CGRRF1: variants seen among roughly 807,000 people sequenced by gnomAD.
CGRRF1 encodes the protein cell growth regulator with RING finger domain protein 1.
CGRRF1 carries 32 observed loss-of-function variants against 37.2 expected under a neutral mutation model. That is an observed-to-expected ratio of 0.86 (90% CI 0.65 to 1.16). The LOEUF (loss-of-function observed/expected upper bound fraction) is 1.16. Among genes scored for constraint, CGRRF1 ranks in the 50% most tolerant of loss-of-function variants. The pLI is 0.00. For missense variants in CGRRF1, 391 were observed against 382.6 expected (o/e 1.02, Z -0.18); for synonymous variants, 141 against 140.3 (o/e 1.00, Z -0.04).
At chr14:54,531,551 A>C (rs2140065072) in intron 4 of CGRRF1, among the ~76,000 whole-genome samples, 1 of 152,312 alleles carries the variant, frequency 6.6e-6, no homozygotes, top group East Asian at 1.9e-4. Context: ...ATAAATAAGC[A>C]CAATAATGAT....
In CGRRF1 at chr14:54,530,960, T is replaced by G; in HGVS notation, c.480T>G (p.Ile160Met). ...IYCQLPRDTK[I>M]EDFGTVPRSR... is the part of the protein sequence containing the mutation. Reference sequence around the variant, plus strand: ...GCCAGTTACCAAGAGATACTAAAATTGAAGACTTTGGTACAGTACCCAGAT... The same window carrying G: ...GCCAGTTACCAAGAGATACTAAAATGGAAGACTTTGGTACAGTACCCAGAT... The change falls in exon 4 of 6, where the codon ATT becomes ATG. Residue 160 changes from isoleucine to methionine, a missense_variant. Physicochemically the swap from Ile to Met is conservative, Grantham distance 10 (BLOSUM62 1). Coordinates refer to ENST00000216420, the MANE Select transcript of CGRRF1 (RefSeq NM_006568.3). 6 of 1,603,550 alleles carry G rather than the reference T, an allele frequency of 3.7e-6. No homozygotes were observed. The highest frequency in any genetic ancestry group is 5.1e-6 in the Non-Finnish European group (6 of 1,170,470).
chr14:54,526,591 T>G (rs2140061696), intron 2 of CGRRF1, among the ~76,000 whole-genome samples: 1 of 152,308 alleles, frequency 6.6e-6, no homozygotes, highest in East Asian at 1.9e-4. Context: ...GGATTTGCGT[T>G]TCCATGTCTC....
chr14:54,527,869 A>G (rs1370587147), intron 2 of CGRRF1, among the ~76,000 whole-genome samples: 1 of 151,860 alleles, frequency 6.6e-6, no homozygotes, highest in East Asian at 1.9e-4. Context: ...GCCTTCCAAG[A>G]AGTTAGGACC....
intron 1 of CGRRF1, among the ~76,000 whole-genome samples, chr14:54,514,510 C>T (rs558646833): frequency 6.3e-4 from 96 of 152,304 alleles, no homozygotes; most frequent in African/African-American, 2.2e-3. Flanking sequence ...AAACTCGTGT[C>T]ATGGGTTTGT....
Position 54,538,170 on chromosome 14 carries a change from T to G in CGRRF1, c.786T>G (p.Ser262Arg). The change falls in exon 6 of 6, where the codon AGT becomes AGG. Residue 262 changes from serine to arginine, a missense_variant. Transcript: ENST00000216420. ...TGGAAAAGGTGGGACTCTCTGAAAG[T>G]GAAGTTGAGCCATCGGAAGAGAACA... Reference protein sequence around the residue: ...SLLEKVGLSESEVEPSEENSK... With the variant: ...SLLEKVGLSEREVEPSEENSK... 6.2e-7 allele frequency: 1 copy of G among 1,614,118 alleles called. No homozygotes were observed. Among genetic ancestry groups the G allele is most frequent in the Non-Finnish European group, 8.5e-7 (1 of 1,180,012 alleles).
intron 4 of CGRRF1, among the ~76,000 whole-genome samples, chr14:54,531,979 T>C (rs2032523067): frequency 6.6e-6 from 1 of 152,186 alleles, no homozygotes; most frequent in African/African-American, 2.4e-5. Flanking sequence ...TTCACAAACA[T>C]GAACTTATTT....
intron 2 of CGRRF1, among the ~76,000 whole-genome samples, chr14:54,525,411 G>A (rs1017727545): frequency 2.0e-5 from 3 of 152,198 alleles, no homozygotes; most frequent in Non-Finnish European, 2.9e-5. Flanking sequence ...AGCTATGCCT[G>A]CACACTAGTT....
intron 1 of CGRRF1, 84 bp from the exon 2 acceptor site, chr14:54,522,370 G>A (rs908596237): frequency 1.5e-5 from 14 of 945,312 alleles, no homozygotes; most frequent in East Asian, 9.0e-5. Flanking sequence ...AAAAGGAATC[G>A]CTAATGAAGC....
In CGRRF1 at chr14:54,538,185, G is replaced by T. The variant is rs375810787; in HGVS notation, c.801G>T (p.Ser267=). Reference sequence around the variant, plus strand: ...TCTCTGAAAGTGAAGTTGAGCCATCGGAAGAGAACAGCAAGGACTGTGTTG... The same window carrying T: ...TCTCTGAAAGTGAAGTTGAGCCATCTGAAGAGAACAGCAAGGACTGTGTTG... ...VGLSESEVEP[S]EENSKDCVVC... The change falls in exon 6 of 6, where the codon TCG becomes TCT. Residue 267 remains serine, a synonymous_variant. Coordinates refer to ENST00000216420, the MANE Select transcript of CGRRF1 (RefSeq NM_006568.3). 5 of 1,614,166 alleles carry T rather than the reference G, an allele frequency of 3.1e-6. No individual in the cohort carries two copies. The highest frequency in any genetic ancestry group is 4.2e-6 in the Non-Finnish European group (5 of 1,180,026).
chr14:54,510,244 G>A (rs902335665), intron 1 of CGRRF1, 181 bp downstream of exon 1: 1 of 599,036 alleles, frequency 1.7e-6, no homozygotes, highest in Non-Finnish European at 3.0e-6. Context: ...CTGCACCTGC[G>A]TCACTGCCCT....
chr14:54,534,019 A>G (rs933292100), intron 4 of CGRRF1, among the ~76,000 whole-genome samples: 1 of 152,176 alleles, frequency 6.6e-6, no homozygotes, highest in African/African-American at 2.4e-5. Flanking sequence ...ACTTAGTAGT[A>G]TATTCAAACA....
rs918925464 is a variant in CGRRF1, at chr14:54,532,311, T to C, written c.570+1261T>C. On this transcript the variant is annotated intron_variant, in intron 4 of 5. Transcript: ENST00000216420. ...AAACTGAAGTTCCATTGAGCTGAGGTCAGCTTATTTTTTCCAAGTCATGGG... is the reference window on the plus strand; with the variant it reads ...AAACTGAAGTTCCATTGAGCTGAGGCCAGCTTATTTTTTCCAAGTCATGGG... 4.6e-5 allele frequency among the ~76,000 whole-genome samples: 7 copies of C among 152,144 alleles called. 1 individual carries two copies. The highest frequency in any genetic ancestry group is 6.6e-5 in the Admixed American group (1 of 15,266).
intron 4 of CGRRF1, 60 bp from the exon 5 acceptor site, chr14:54,537,662 T>C (rs2140068852): frequency 7.2e-7 from 1 of 1,387,448 alleles, no homozygotes; most frequent in Non-Finnish European, 9.4e-7. Flanking sequence ...GCATTTTTCA[T>C]ATATTTGTGA....
At chr14:54,518,270 G>A (rs991233246) in intron 1 of CGRRF1, among the ~76,000 whole-genome samples, 1 of 152,110 alleles carries the variant, frequency 6.6e-6, no homozygotes, top group Admixed American at 6.5e-5. Flanking sequence ...TTTAGGCCAG[G>A]CGCAGTGGCT....
chr14:54,530,740 A>G, intron 3 of CGRRF1, 163 bp from the exon 4 acceptor site: 1 of 877,402 alleles, frequency 1.1e-6, no homozygotes, highest in Non-Finnish European at 1.8e-6. Flanking sequence ...TGTGGAGTGA[A>G]TGTCTCTATC....
At chr14:54,535,042 A>G (rs922828275) in intron 4 of CGRRF1, among the ~76,000 whole-genome samples, 2 of 152,176 alleles carry the variant, frequency 1.3e-5, no homozygotes, top group African/African-American at 4.8e-5. Flanking sequence ...ATACATACAC[A>G]TATATATGAT....
At chr14:54,537,967 C>A in intron 5 of CGRRF1, 96 bp from the exon 6 acceptor site, 3 of 1,469,702 alleles carry the variant, frequency 2.0e-6, no homozygotes, top group Non-Finnish European at 2.7e-6. Context: ...ATTGAATTTG[C>A]TAGCTCATAA....
At chr14:54,516,146 T>C (rs1443925967) in intron 1 of CGRRF1, among the ~76,000 whole-genome samples, 4 of 152,202 alleles carry the variant, frequency 2.6e-5, no homozygotes, top group African/African-American at 9.6e-5. Flanking sequence ...CTTGAAAGTT[T>C]ATAATGTATC....
chr14:54,518,488 T>C (rs1259875042), intron 1 of CGRRF1, among the ~76,000 whole-genome samples: 1 of 150,814 alleles, frequency 6.6e-6, no homozygotes, highest in Non-Finnish European at 1.5e-5. Flanking sequence ...AGGTGGAGGT[T>C]GCGGTGAGCT....
Sources: allele counts gnomAD v4.1 joint callset (sites outside exome capture counted in the v4.1 genomes callset), GRCh38; gene constraint gnomAD v4.1.1; transcripts MANE v1.5; gene names NCBI Gene and HGNC (gene_info 2026-07-23, HGNC 2026-07-21).